Variants in KALRN observed in about 807,000 individuals in gnomAD.
KALRN encodes kalirin RhoGEF kinase.
Under a neutral mutation model 353.7 loss-of-function variants are expected in KALRN, and 70 were observed. That is an observed-to-expected ratio of 0.20 (90% CI 0.16 to 0.24). KALRN has a LOEUF of 0.24. Ranked by LOEUF, KALRN falls within the 10% of genes least tolerant of loss-of-function variation. KALRN has a pLI of 1.00. For synonymous variants in KALRN, 1,391 were observed against 1,434.8 expected (o/e 0.97, Z 0.69); for missense variants, 2,791 against 3,756.7 (o/e 0.74, Z 6.72).
At chr3:124,213,506 T>A (rs1011693117) in intron 1 of KALRN, among the ~76,000 whole-genome samples, 6 of 152,094 alleles carry the variant, frequency 3.9e-5, no homozygotes, top group African/African-American at 7.2e-5. Context: ...TTATCTTTTT[T>A]AAAAAAAGTT....
chr3:124,632,321 CT>C, intron 34 of KALRN, 98 bp from the exon 35 acceptor site: 1 of 1,207,594 alleles, frequency 8.3e-7, no homozygotes, highest in South Asian at 1.4e-5. Flanking sequence ...GACATTCTGC[CT>C]TGTGTCCTAG....
chr3:124,565,397 A>G (rs1262708282), intron 34 of KALRN, among the ~76,000 whole-genome samples: 1 of 152,246 alleles, frequency 6.6e-6, no homozygotes, highest in East Asian at 1.9e-4. Flanking sequence ...CAAGAGGAGA[A>G]GAGGGTACAC....
intron 1 of KALRN, among the ~76,000 whole-genome samples, chr3:124,080,755 A>AT (rs1404660934): frequency 3.3e-5 from 5 of 151,000 alleles, no homozygotes; most frequent in Admixed American, 6.6e-5. Context: ...CAGACATGAA[A>AT]TTTGCCCTTG....
intron 1 of KALRN, among the ~76,000 whole-genome samples, chr3:124,077,289 G>A (rs1466423131): frequency 6.6e-6 from 1 of 152,220 alleles, no homozygotes; most frequent in Non-Finnish European, 1.5e-5. Context: ...CCCCAGATGG[G>A]TGGGAAGGCT....
intron 33 of KALRN, among the ~76,000 whole-genome samples, chr3:124,503,967 A>G (rs925497198): frequency 1.3e-5 from 2 of 152,218 alleles, no homozygotes; most frequent in Non-Finnish European, 2.9e-5. Context: ...TAAAATTGCC[A>G]ATCGTCTGCA....
chr3:124,564,121 C>T (rs1024194213), intron 34 of KALRN, among the ~76,000 whole-genome samples: 16 of 142,046 alleles, frequency 1.1e-4, no homozygotes, highest in Admixed American at 6.1e-4. Flanking sequence ...AGGAGAATGG[C>T]GTGAACCCGG....
chr3:124,164,111 T>C (rs2070436352), intron 1 of KALRN: 1 of 319,758 alleles, frequency 3.1e-6, no homozygotes, highest in Non-Finnish European at 4.5e-6. Flanking sequence ...CCTTTACCTC[T>C]GTTTCAGATT....
intron 12 of KALRN, among the ~76,000 whole-genome samples, chr3:124,398,338 T>C (rs2090427048): frequency 6.6e-6 from 1 of 152,238 alleles, no homozygotes; most frequent in African/African-American, 2.4e-5. Context: ...GTTGGAACTA[T>C]ACATATTAGA....
Position 124,454,718 on chromosome 3 carries a change from C to T in KALRN, c.3553-459C>T, listed in dbSNP as rs1223788007. On this transcript the variant is annotated intron_variant, in intron 21 of 59. Transcript: ENST00000682506. The stretch of plus-strand genomic sequence containing the variant: ...TGTGCCTGTACTGAACATATACAGA[C>T]TTTTTTTGTTCTTGTCATCATTCCC... Among the ~76,000 whole-genome samples, 3 of 151,820 alleles carry T rather than the reference C, an allele frequency of 2.0e-5. No homozygotes were observed. In the East Asian group the frequency reaches 5.8e-4, roughly 29 times the overall value.
At chr3:124,250,376 G>A (rs1240276553) in intron 3 of KALRN, among the ~76,000 whole-genome samples, 1 of 152,168 alleles carries the variant, frequency 6.6e-6, no homozygotes, top group Admixed American at 6.5e-5. Context: ...AGTGGTGATG[G>A]CATGGTAGTA....
chr3:124,702,043 G>C lies in KALRN; in HGVS notation c.8002G>C (p.Ala2668Pro). 6.2e-7 allele frequency: 1 copy of C among 1,612,954 alleles called. No homozygotes were observed. The highest frequency in any genetic ancestry group is 8.5e-7 in the Non-Finnish European group (1 of 1,179,248). ...GGATTCTCTTTCTTCCGAAGATGCT[G>C]CTGCTGATGGTGCCACCATTTCTTG... Reference protein sequence around the residue: ...EFVRLPEYDAAADGATISWKE... With the variant: ...EFVRLPEYDAPADGATISWKE... The change falls in exon 57 of 60, where the codon GCT becomes CCT. Residue 2668 changes from alanine to proline, a missense_variant. Around this residue, in one of 11 missense-constraint regions of KALRN, gnomAD observed 188 missense variants for 402.9 expected, o/e 0.47. Coordinates refer to ENST00000682506, the MANE Select transcript of KALRN (RefSeq NM_001388419.1).
chr3:124,650,879 A>C lies in KALRN; in HGVS notation c.5736A>C (p.Pro1912=). ...PAGCLNEGMA[P]PTPPKNPEEE... ...GCTGCCTGAATGAGGGGATGGCCCC[A>C]CCCACACCTCCTAAAAACCCAGAAG... is the stretch of plus-strand genomic sequence containing the variant. The change falls in exon 38 of 60, where the codon CCA becomes CCC. Residue 1912 remains proline, a synonymous_variant. Coordinates refer to ENST00000682506, the MANE Select transcript of KALRN (RefSeq NM_001388419.1). 5.0e-6 allele frequency: 8 copies of C among 1,614,198 alleles called. No homozygotes were observed. Among genetic ancestry groups the C allele is most frequent in the Non-Finnish European group, 5.9e-6 (7 of 1,180,016 alleles).
Position 124,384,968 on chromosome 3 carries a change from G to A in KALRN, c.1894G>A (p.Val632Met), listed in dbSNP as rs1450157789. 5.0e-6 allele frequency: 8 copies of A among 1,613,986 alleles called. No individual in the cohort carries two copies. Among genetic ancestry groups the A allele is most frequent in the Non-Finnish European group, 6.8e-6 (8 of 1,179,954 alleles). ...RHLEVRIQDF[V>M]RRVEQRKLLL... ...CCTGGAGGTGCGCATCCAAGACTTC[G>A]TGCGCAGGGTGGAGCAGCGGAAGCT... is the stretch of plus-strand genomic sequence containing the variant. Residue 632 changes from valine (V) to methionine (M), a missense_variant, in exon 11 of 60, where the codon GTG becomes ATG. Val to Met is a conservative substitution (Grantham distance 21). Coordinates refer to ENST00000682506, the MANE Select transcript of KALRN (RefSeq NM_001388419.1).
chr3:124,684,843 C>T (rs1037115545), intron 51 of KALRN, among the ~76,000 whole-genome samples: 6 of 152,202 alleles, frequency 3.9e-5, no homozygotes, highest in Non-Finnish European at 8.8e-5. Flanking sequence ...GAAGTTTGAG[C>T]GGCCAGAGCT....
chr3:124,059,266 G>C (rs1436150417), intron 1 of KALRN, among the ~76,000 whole-genome samples: 1 of 152,032 alleles, frequency 6.6e-6, no homozygotes, highest in African/African-American at 2.4e-5. Context: ...GCATATAAAT[G>C]AAAAGTATTT....
chr3:124,121,819 G>A (rs778557519), intron 1 of KALRN, among the ~76,000 whole-genome samples: 1 of 152,210 alleles, frequency 6.6e-6, no homozygotes, highest in African/African-American at 2.4e-5. Context: ...TGAAGGTGCA[G>A]AGTGACTTAG....
At chr3:124,407,222 A>G (rs2091656443) in intron 13 of KALRN, among the ~76,000 whole-genome samples, 1 of 152,174 alleles carries the variant, frequency 6.6e-6, no homozygotes, top group Admixed American at 6.5e-5. Context: ...TTAATAAGTT[A>G]ACACATAATA....
chr3:124,262,697 T>C (rs1308398665), intron 3 of KALRN, among the ~76,000 whole-genome samples: 1 of 152,184 alleles, frequency 6.6e-6, no homozygotes, highest in Admixed American at 6.5e-5. Flanking sequence ...CTGTGGTCTC[T>C]TAATGAGGCT....
At chr3:124,195,051 T>C (rs2075295135) in intron 1 of KALRN, among the ~76,000 whole-genome samples, 1 of 152,210 alleles carries the variant, frequency 6.6e-6, no homozygotes, top group South Asian at 2.1e-4. Context: ...CAAGTGTCTG[T>C]GGCCCCAAAT....
Sources: allele counts gnomAD v4.1 joint callset (sites outside exome capture counted in the v4.1 genomes callset), GRCh38; gene constraint gnomAD v4.1.1; regional missense constraint gnomAD v4.1.1; transcripts MANE v1.5; gene names NCBI Gene and HGNC (gene_info 2026-07-23, HGNC 2026-07-21).